PSD3: variants seen among roughly 807,000 people sequenced by gnomAD.
The protein encoded by PSD3 is pleckstrin and Sec7 domain containing 3, also known as PH and SEC7 domain-containing protein 3.
A neutral mutation model predicts 105.5 loss-of-function variants in PSD3; 49 were observed. That is an observed-to-expected ratio of 0.46 (90% CI 0.37 to 0.59). The LOEUF is 0.59. Among genes scored for constraint, PSD3 ranks in the 20% least tolerant of loss-of-function variants. The pLI, the probability that PSD3 is intolerant of heterozygous loss-of-function variation, is 0.00. For synonymous variants in PSD3, 557 were observed against 457.8 expected (o/e 1.22, Z -2.77); for missense variants, 1,561 against 1,263.8 (o/e 1.24, Z -3.57).
chr8:18,757,173 C>A (rs1806118662), intron 9 of PSD3, among the ~76,000 whole-genome samples: 1 of 150,466 alleles, frequency 6.6e-6, no homozygotes, highest in Non-Finnish European at 1.5e-5. Context: ...TAACTGGGAT[C>A]TGGACGCGGT....
chr8:18,973,389 C>T (rs566662550), intron 1 of PSD3, among the ~76,000 whole-genome samples: 1 of 152,300 alleles, frequency 6.6e-6, no homozygotes, highest in South Asian at 2.1e-4. Flanking sequence ...AGCATGGTGC[C>T]ATCTGGGTTG....
At chr8:18,838,689 T>C (rs1340073901) in intron 4 of PSD3, among the ~76,000 whole-genome samples, 1 of 151,472 alleles carries the variant, frequency 6.6e-6, no homozygotes, top group African/African-American at 2.4e-5. Context: ...TAGTCCCAGC[T>C]ACTTCGGGAG....
At chr8:19,027,722 C>CT (rs1827608141) in intron 1 of PSD3, among the ~76,000 whole-genome samples, 1 of 152,258 alleles carries the variant, frequency 6.6e-6, no homozygotes, top group African/African-American at 2.4e-5. Context: ...TTTCTGCCCT[C>CT]TTTCATATAG....
chr8:18,781,729 C>A (rs2129445313), intron 8 of PSD3, among the ~76,000 whole-genome samples: 1 of 152,296 alleles, frequency 6.6e-6, no homozygotes, highest in South Asian at 2.1e-4. Flanking sequence ...CTTCCTATAT[C>A]TAGATGTCTG....
At chr8:18,576,831 C>A (rs900448498) in intron 12 of PSD3, among the ~76,000 whole-genome samples, 16 of 151,852 alleles carry the variant, frequency 1.1e-4, no homozygotes, top group African/African-American at 3.1e-4. Context: ...ACATACTGAT[C>A]CCCTAACACA....
chr8:18,814,260 C>T (rs1288564766), intron 4 of PSD3, among the ~76,000 whole-genome samples: 1 of 152,192 alleles, frequency 6.6e-6, no homozygotes, highest in African/African-American at 2.4e-5. Context: ...CCCCACCCGC[C>T]GCATACCTTC....
chr8:18,988,756 G>C (rs896635380), intron 1 of PSD3, among the ~76,000 whole-genome samples: 5 of 152,164 alleles, frequency 3.3e-5, no homozygotes, highest in African/African-American at 4.8e-5. Context: ...TTTTACCTTA[G>C]AAACTTTTAA....
At chr8:19,067,640 G>T (rs1241806999) in intron 1 of PSD3, among the ~76,000 whole-genome samples, 2 of 152,154 alleles carry the variant, frequency 1.3e-5, no homozygotes, top group African/African-American at 4.8e-5. Flanking sequence ...CAAGCCAGCA[G>T]CAAGGGGTGT....
At chr8:18,630,370 T>A (rs368534956) in intron 11 of PSD3, among the ~76,000 whole-genome samples, 2 of 152,046 alleles carry the variant, frequency 1.3e-5, no homozygotes, top group East Asian at 3.9e-4. Flanking sequence ...TCATATGTAT[T>A]AGGCCGCTGA....
chr8:19,018,423 G>T (rs1416742311), upstream of PSD3, among the ~76,000 whole-genome samples: 2 of 151,872 alleles, frequency 1.3e-5, no homozygotes, highest in Non-Finnish European at 2.9e-5. Flanking sequence ...TTTGGGTGAT[G>T]TTACATTTGT....
At chr8:18,732,200 A>C (rs1803807628) in intron 9 of PSD3, among the ~76,000 whole-genome samples, 1 of 152,152 alleles carries the variant, frequency 6.6e-6, no homozygotes, top group Non-Finnish European at 1.5e-5. Context: ...CACTAACTAC[A>C]AAGCAAGAAA....
chr8:19,015,864 G>C (rs1370905993), upstream of PSD3, among the ~76,000 whole-genome samples: 1 of 152,148 alleles, frequency 6.6e-6, no homozygotes. Context: ...CATCGCAAAG[G>C]AAATTTTTAA....
At position 18,977,803 on chromosome 8, in the gene PSD3, T is replaced by C. The variant is rs79623486; in HGVS notation, c.21+35760A>G. 4.0e-4 allele frequency among the ~76,000 whole-genome samples: 61 copies of C among 152,280 alleles called. No homozygotes were observed. In the South Asian group the frequency reaches 5.2e-3, roughly 13 times the overall value. On this transcript the variant is annotated intron_variant, in intron 1 of 15. Transcript: ENST00000327040. ...TATAAATTATTTATATTTTCTTCTT[T>C]TTACTTATCCCTATTTTCTGATTTT...
intron 1 of PSD3, among the ~76,000 whole-genome samples, chr8:19,045,614 C>A (rs1027345758): frequency 6.6e-6 from 1 of 152,168 alleles, no homozygotes; most frequent in Non-Finnish European, 1.5e-5. Flanking sequence ...AAGATTAGAT[C>A]TCTTTACAGA....
intron 10 of PSD3, among the ~76,000 whole-genome samples, chr8:18,634,737 T>G (rs1807136895): frequency 6.6e-6 from 1 of 152,164 alleles, no homozygotes; most frequent in Non-Finnish European, 1.5e-5. Context: ...ATGCATTTTT[T>G]GGGGAAAGAT....
At chr8:18,538,077 C>T (rs935731550) in intron 15 of PSD3, among the ~76,000 whole-genome samples, 1 of 152,160 alleles carries the variant, frequency 6.6e-6, no homozygotes, top group Non-Finnish European at 1.5e-5. Context: ...CAACATGCTG[C>T]ACCTGAGGAA....
At chr8:18,679,105 T>C (rs969459951) in intron 9 of PSD3, among the ~76,000 whole-genome samples, 4 of 152,242 alleles carry the variant, frequency 2.6e-5, no homozygotes, top group Non-Finnish European at 5.9e-5. Context: ...AATGTCCTGT[T>C]TGACCAGAAT....
chr8:18,914,958 A>C (rs994005213), intron 2 of PSD3, among the ~76,000 whole-genome samples: 1 of 152,208 alleles, frequency 6.6e-6, no homozygotes, highest in African/African-American at 2.4e-5. Flanking sequence ...ATGTACTACG[A>C]AACTATGGTA....
intron 9 of PSD3, among the ~76,000 whole-genome samples, chr8:18,741,421 G>C (rs1339219741): frequency 6.6e-6 from 1 of 152,262 alleles, no homozygotes; most frequent in South Asian, 2.1e-4. Context: ...TTACCATGAT[G>C]ATCTCAACTT....
Sources: allele counts gnomAD v4.1 joint callset (sites outside exome capture counted in the v4.1 genomes callset), GRCh38; gene constraint gnomAD v4.1.1; transcripts MANE v1.5; gene names NCBI Gene and HGNC (gene_info 2026-07-23, HGNC 2026-07-21).